Variants in NTRK3 observed in about 807,000 individuals in gnomAD.
NTRK3 encodes the protein neurotrophic receptor tyrosine kinase 3.
A neutral mutation model predicts 91.7 loss-of-function variants in NTRK3; 24 were observed. The observed-to-expected ratio is 0.26, with a 90% CI of 0.19 to 0.37. NTRK3 has a LOEUF of 0.37. Ranked by LOEUF, NTRK3 falls within the 10% of genes least tolerant of loss-of-function variation. The pLI, the probability that NTRK3 is intolerant of heterozygous loss-of-function variation, is 1.00. For synonymous variants in NTRK3, 483 were observed against 404.0 expected, an observed-to-expected ratio of 1.20 and a Z score of -2.34; for missense variants, 880 against 1,068.9, an observed-to-expected ratio of 0.82 and a Z score of 2.46.
intron 14 of NTRK3, among the ~76,000 whole-genome samples, chr15:87,974,874 G>T (rs2073583701): frequency 6.6e-6 from 1 of 152,180 alleles, no homozygotes; most frequent in South Asian, 2.1e-4. Flanking sequence ...CTTAGGAGTG[G>T]AGTGGGGTTG....
chr15:88,188,810 T>A (rs544768713), intron 3 of NTRK3, among the ~76,000 whole-genome samples: 3 of 152,300 alleles, frequency 2.0e-5, no homozygotes, highest in African/African-American at 7.2e-5. Context: ...GATGCAACAG[T>A]GGTCTCTTCT....
rs190666515 is a variant in NTRK3 at position 88,138,122 on chromosome 15, G to A, written c.465-561C>T. ...GAGATCCTTTTAAAGAGATATCAGCGGCCGGGCGTGGTGGCTCACACCTGT... is the reference window on the plus strand; with the variant it reads ...GAGATCCTTTTAAAGAGATATCAGCAGCCGGGCGTGGTGGCTCACACCTGT... On this transcript the variant is annotated intron_variant, in intron 6 of 18. Transcript: ENST00000394480. Among the ~76,000 whole-genome samples the A allele has an allele frequency of 5.3e-4, 80 of 151,518 alleles. No homozygotes were observed. The East Asian group carries it at 9.4e-3, about 18-fold the overall frequency.
At position 88,115,624 on chromosome 15, in the gene NTRK3, G is replaced by C. The variant is rs572996144; in HGVS notation, c.1396+10647C>G. Among the ~76,000 whole-genome samples, 3 of 152,306 alleles carry C rather than the reference G, an allele frequency of 2.0e-5. No individual in the cohort carries two copies. The South Asian group carries it at 6.2e-4, about 32-fold the overall frequency. ...CCCTTTGAATTCAAGATGCCTGTCA[G>C]GTAGAGAGGCTCGGCATTTCCAGGA... is the stretch of plus-strand genomic sequence containing the variant. On this transcript the variant is annotated intron_variant, in intron 13 of 18. Transcript: ENST00000394480.
chr15:88,123,976 A>C (rs1395335075), intron 13 of NTRK3, among the ~76,000 whole-genome samples: 1 of 152,192 alleles, frequency 6.6e-6, no homozygotes, highest in Non-Finnish European at 1.5e-5. Context: ...CCTGCTTCCC[A>C]TCATGGTCTG....
intron 13 of NTRK3, among the ~76,000 whole-genome samples, chr15:88,060,322 C>T (rs1471706635): frequency 2.7e-5 from 4 of 148,684 alleles, no homozygotes; most frequent in East Asian, 2.0e-4. Context: ...AGGTGGAGGT[C>T]GCAGTGATCC....
chr15:88,078,479 G>A (rs2047754828), intron 13 of NTRK3, among the ~76,000 whole-genome samples: 1 of 152,150 alleles, frequency 6.6e-6, no homozygotes, highest in African/African-American at 2.4e-5. Context: ...GCGAAACCCT[G>A]TCTCTACTAA....
Position 87,949,410 on chromosome 15 carries a change from C to T in NTRK3, c.1586-8657G>A, listed in dbSNP as rs112515593. ...AAACAGCAGGTCCCACTCTGGGGCA[C>T]GTGTGCACCCTTAGGCTAGAGGTAG... is the stretch of plus-strand genomic sequence containing the variant. On this transcript the variant is annotated intron_variant, in intron 14 of 18. Coordinates refer to ENST00000394480, the Ensembl canonical transcript of NTRK3. Among the ~76,000 whole-genome samples, 34 of 152,164 alleles carry T rather than the reference C, an allele frequency of 2.2e-4. 1 individual carries two copies. Among genetic ancestry groups the T allele is most frequent in the African/African-American group, 6.3e-4 (26 of 41,494 alleles).
At chr15:88,223,256 C>T (rs1598040103) in intron 3 of NTRK3, among the ~76,000 whole-genome samples, 1 of 152,254 alleles carries the variant, frequency 6.6e-6, no homozygotes, top group Non-Finnish European at 1.5e-5. Flanking sequence ...CAAAGCATCA[C>T]ACCAGGTCAC....
chr15:87,873,279 G>A (rs1045505228), exon 19 of NTRK3: 2 of 231,020 alleles, frequency 8.7e-6, no homozygotes, highest in Non-Finnish European at 1.7e-5. Context: ...CTGAATGGAG[G>A]AAGCAGCACC....
chr15:87,979,180 A>G (rs949158658), intron 14 of NTRK3: 13 of 676,990 alleles, frequency 1.9e-5, no homozygotes, highest in Non-Finnish European at 3.2e-5. Flanking sequence ...TGGATGGGGG[A>G]AAACACCCAT....
chr15:88,174,691 T>C lies in NTRK3; in HGVS notation c.395+8727A>G, dbSNP rs2045832055. On this transcript the variant is annotated intron_variant, in intron 5 of 18. Coordinates refer to ENST00000394480, the Ensembl canonical transcript of NTRK3. The stretch of plus-strand genomic sequence containing the variant: ...CACACCCCATGGTAAGCTGCAGCCC[T>C]GTGCCATAAGCAGGCTGTCTGCCAA... Among the ~76,000 whole-genome samples, 4 of 152,244 alleles carry C rather than the reference T, an allele frequency of 2.6e-5. No homozygotes were observed. In the South Asian group the frequency reaches 8.3e-4, roughly 31 times the overall value.
chr15:87,901,859 A>G (rs184440675), intron 17 of NTRK3, among the ~76,000 whole-genome samples: 119 of 152,304 alleles, frequency 7.8e-4, no homozygotes, highest in Non-Finnish European at 1.3e-3. Flanking sequence ...GAAAAATCCA[A>G]GTCTTGTACC....
intron 5 of NTRK3, among the ~76,000 whole-genome samples, chr15:88,154,711 G>T (rs750959922): frequency 6.6e-6 from 1 of 152,324 alleles, no homozygotes; most frequent in South Asian, 2.1e-4. Flanking sequence ...CTCTACCAGG[G>T]TTTCCCAGAG....
At chr15:88,126,771 C>G (rs1011653668) in intron 12 of NTRK3, among the ~76,000 whole-genome samples, 1 of 152,150 alleles carries the variant, frequency 6.6e-6, no homozygotes, top group African/African-American at 2.4e-5. Flanking sequence ...TAAAAAGAAT[C>G]CTTTCTCCTC....
intron 14 of NTRK3, among the ~76,000 whole-genome samples, chr15:87,972,904 C>A (rs2141285071): frequency 6.6e-6 from 1 of 152,284 alleles, no homozygotes; most frequent in Non-Finnish European, 1.5e-5. Context: ...CAAATCTGAG[C>A]CATCAGTACC....
chr15:88,007,642 C>G (rs184278556), intron 14 of NTRK3, among the ~76,000 whole-genome samples: 5 of 152,288 alleles, frequency 3.3e-5, no homozygotes, highest in South Asian at 2.1e-4. Flanking sequence ...GCCTGGGAAG[C>G]CTGTTTTATC....
At chr15:87,926,537 C>G (rs964249486) in intron 17 of NTRK3, 2 of 152,198 alleles carry the variant, frequency 1.3e-5, no homozygotes, top group African/African-American at 4.8e-5. Context: ...CTCACTCTCC[C>G]TTCCTTAAAT....
intron 13 of NTRK3, among the ~76,000 whole-genome samples, chr15:88,104,197 C>T (rs1203805205): frequency 6.6e-6 from 1 of 152,218 alleles, no homozygotes; most frequent in Non-Finnish European, 1.5e-5. Context: ...AGGGACACAT[C>T]CACCTTTGAC....
At chr15:88,242,906 G>A (rs2052497665) in intron 3 of NTRK3, among the ~76,000 whole-genome samples, 1 of 152,246 alleles carries the variant, frequency 6.6e-6, no homozygotes, top group Non-Finnish European at 1.5e-5. Flanking sequence ...TGTCTGTTAT[G>A]CACTTGGAAG....
Sources: gnomAD v4.1 joint callset for allele counts (sites outside exome capture counted in the v4.1 genomes callset) on GRCh38, gnomAD v4.1.1 for gene constraint, MANE v1.5 for transcripts, NCBI Gene and HGNC (gene_info 2026-07-23, HGNC 2026-07-21) for gene names.